The following NREP variants were observed in gnomAD, a reference collection of about 807,000 sequenced individuals.
The protein encoded by NREP is neuronal regeneration-related protein.
A neutral mutation model predicts 8.6 loss-of-function variants in NREP; 5 were observed. The observed-to-expected ratio is 0.58, with a 90% CI of 0.30 to 1.22. The LOEUF is 1.22. Ranked by LOEUF, NREP falls within the 50% of genes most tolerant of loss-of-function variation. The pLI is 0.07. For synonymous variants in NREP, 27 were observed against 28.0 expected, an observed-to-expected ratio of 0.96 and a Z score of 0.11; for missense variants, 86 against 82.5, an observed-to-expected ratio of 1.04 and a Z score of -0.17.
In NREP at chr5:111,829,299, G is replaced by A. The variant is rs116832506; in HGVS notation, c.136-93792C>T. On this transcript the variant is annotated intron_variant, in intron 2 of 3. Transcript: ENST00000395634. Reference sequence around the variant, plus strand: ...GCAACGTACTGACATAATCAGATTTGTATTTTGTAAATGGAACTCTGGCAG... The same window carrying A: ...GCAACGTACTGACATAATCAGATTTATATTTTGTAAATGGAACTCTGGCAG... Among the ~76,000 whole-genome samples, 718 of 152,266 alleles carry A rather than the reference G, an allele frequency of 4.7e-3. 4 individuals are homozygous for A. The highest frequency in any genetic ancestry group is 0.017 in the African/African-American group (695 of 41,548).
At chr5:111,896,225 T>G (rs1210001574) in intron 2 of NREP, among the ~76,000 whole-genome samples, 1 of 152,122 alleles carries the variant, frequency 6.6e-6, no homozygotes, top group Admixed American at 6.6e-5. Context: ...ACCATAAAGA[T>G]GAATCAAAGT....
At chr5:111,815,749 C>T (rs1752371216) in intron 2 of NREP, among the ~76,000 whole-genome samples, 1 of 151,956 alleles carries the variant, frequency 6.6e-6, no homozygotes, top group Non-Finnish European at 1.5e-5. Flanking sequence ...ACATAACAAG[C>T]CACAGATCCA....
chr5:111,962,125 G>T (rs1756497057), intron 2 of NREP, among the ~76,000 whole-genome samples: 1 of 152,136 alleles, frequency 6.6e-6, no homozygotes, highest in African/African-American at 2.4e-5. Flanking sequence ...GCTGTAAATA[G>T]TTCAGTTCCA....
chr5:111,857,178 G>A (rs190722232), intron 2 of NREP, among the ~76,000 whole-genome samples: 4 of 152,256 alleles, frequency 2.6e-5, no homozygotes, highest in South Asian at 2.1e-4. Flanking sequence ...TGGGAGTGCC[G>A]AGAGGAAGCG....
intron 2 of NREP, among the ~76,000 whole-genome samples, chr5:111,882,791 C>A (rs1432331195): frequency 6.6e-6 from 1 of 152,156 alleles, no homozygotes; most frequent in Non-Finnish European, 1.5e-5. Context: ...GATTTTGTCA[C>A]CACCAGGCCT....
chr5:111,749,415 A>G (rs1032981370), intron 2 of NREP, among the ~76,000 whole-genome samples: 8 of 151,816 alleles, frequency 5.3e-5, no homozygotes, highest in African/African-American at 1.7e-4. Context: ...TGTGCTATTT[A>G]TAAGAGATTG....
chr5:111,900,736 A>G (rs1352737033), intron 2 of NREP, among the ~76,000 whole-genome samples: 8 of 152,068 alleles, frequency 5.3e-5, no homozygotes, highest in Admixed American at 5.2e-4. Context: ...GAACAGACCA[A>G]TAATGAATAA....
chr5:111,834,391 T>A (rs1000950422), intron 2 of NREP, among the ~76,000 whole-genome samples: 1 of 152,192 alleles, frequency 6.6e-6, no homozygotes, highest in African/African-American at 2.4e-5. Context: ...GAACCATACA[T>A]TTTGTAGTTG....
At chr5:111,887,109 A>C (rs1754279517) in intron 2 of NREP, among the ~76,000 whole-genome samples, 1 of 151,974 alleles carries the variant, frequency 6.6e-6, no homozygotes, top group South Asian at 2.1e-4. Context: ...TTTTTTATAG[A>C]GTTGAGGTTT....
intron 2 of NREP, among the ~76,000 whole-genome samples, chr5:111,783,941 A>G (rs1561665051): frequency 1.3e-5 from 2 of 152,220 alleles, no homozygotes; most frequent in African/African-American, 4.8e-5. Context: ...AGACCTTCCT[A>G]CACAAGTAGT....
chr5:111,939,281 A>C (rs940081830), intron 2 of NREP, among the ~76,000 whole-genome samples: 1 of 152,090 alleles, frequency 6.6e-6, no homozygotes, highest in Non-Finnish European at 1.5e-5. Context: ...CTCAAGGGGC[A>C]GAGATTCTGA....
chr5:111,811,253 G>A (rs571670289), intron 2 of NREP, among the ~76,000 whole-genome samples: 19 of 152,136 alleles, frequency 1.2e-4, no homozygotes, highest in African/African-American at 4.1e-4. Flanking sequence ...GAATCCTTCT[G>A]AATTTGCCCC....
intron 2 of NREP, among the ~76,000 whole-genome samples, chr5:111,812,253 C>T (rs1306190653): frequency 2.0e-5 from 3 of 152,166 alleles, no homozygotes; most frequent in Non-Finnish European, 4.4e-5. Flanking sequence ...TGCCACTGCA[C>T]TCCAGCCTGT....
At chr5:111,860,673 C>T (rs1753525261) in intron 2 of NREP, among the ~76,000 whole-genome samples, 1 of 152,128 alleles carries the variant, frequency 6.6e-6, no homozygotes, top group Non-Finnish European at 1.5e-5. Flanking sequence ...ATATTTCTAA[C>T]TTTATTTCCT....
At chr5:111,956,939 G>T (rs992518365) in intron 2 of NREP, among the ~76,000 whole-genome samples, 1 of 150,198 alleles carries the variant, frequency 6.7e-6, no homozygotes, top group Admixed American at 6.7e-5. Context: ...ACTCCAGCCT[G>T]GATGACACAA....
chr5:111,923,469 G>GT (rs1329973098), intron 2 of NREP, among the ~76,000 whole-genome samples: 39 of 152,176 alleles, frequency 2.6e-4, no homozygotes, highest in Non-Finnish European at 1.0e-4. Context: ...GTGAGAGCAA[G>GT]TTTTTAGTTG....
chr5:111,744,938 C>CCAAA (rs1381654775), intron 2 of NREP, among the ~76,000 whole-genome samples: 5 of 152,062 alleles, frequency 3.3e-5, no homozygotes, highest in African/African-American at 1.2e-4. Flanking sequence ...CCATTGTAAA[C>CCAAA]CAAACACCAC....
chr5:111,853,301 G>A (rs759655870), intron 2 of NREP, among the ~76,000 whole-genome samples: 11 of 151,946 alleles, frequency 7.2e-5, no homozygotes, highest in Non-Finnish European at 1.3e-4. Flanking sequence ...ATTCTTTATC[G>A]TACTGCAGTG....
At chr5:111,959,255 T>C (rs1003897205) in intron 2 of NREP, among the ~76,000 whole-genome samples, 1 of 150,870 alleles carries the variant, frequency 6.6e-6, no homozygotes, top group Admixed American at 6.6e-5. Flanking sequence ...TGTACATTTT[T>C]AAGTAAGCAA....
Sources: allele counts gnomAD v4.1 joint callset (sites outside exome capture counted in the v4.1 genomes callset), GRCh38; gene constraint gnomAD v4.1.1; transcripts MANE v1.5; gene names NCBI Gene and HGNC (gene_info 2026-07-23, HGNC 2026-07-21).